UMAD1: variants seen among roughly 807,000 people sequenced by gnomAD.
UMAD1 encodes UBAP1-MVB12-associated (UMA)-domain containing protein 1.
In UMAD1, 8 loss-of-function variants were observed where a neutral mutation model predicts 6.1. The observed-to-expected ratio is 1.30, with a 90% confidence interval of 0.76 to 2.35. UMAD1 has a LOEUF of 2.35. Among genes scored for constraint, UMAD1 ranks in the 30% most tolerant of loss-of-function variants. UMAD1 has a pLI of 0.00. For synonymous variants in UMAD1, 56 were observed against 31.4 expected (o/e 1.78, Z -2.61); for missense variants, 130 against 78.4 (o/e 1.66, Z -2.49).
intron 2 of UMAD1, among the ~76,000 whole-genome samples, chr7:7,790,378 A>G (rs1782545874): frequency 6.6e-6 from 1 of 152,210 alleles, no homozygotes; most frequent in African/African-American, 2.4e-5. Flanking sequence ...GGGCACATCC[A>G]TCCCATGCCA....
At chr7:7,789,923 A>G (rs1235402182) in intron 2 of UMAD1, among the ~76,000 whole-genome samples, 3 of 152,164 alleles carry the variant, frequency 2.0e-5, no homozygotes, top group Admixed American at 2.0e-4. Context: ...GTGTATGTTC[A>G]GATATTTCTT....
intron 3 of UMAD1, among the ~76,000 whole-genome samples, chr7:7,853,904 CA>C (rs1373579624): frequency 2.6e-5 from 4 of 152,140 alleles, no homozygotes; most frequent in Non-Finnish European, 5.9e-5. Context: ...AGGGGAAAAG[CA>C]TCTAGTCTTT....
intron 1 of UMAD1, among the ~76,000 whole-genome samples, chr7:7,646,670 G>C (rs752496407): frequency 1.3e-5 from 2 of 151,906 alleles, no homozygotes; most frequent in Non-Finnish European, 2.9e-5. Flanking sequence ...AACTAATACA[G>C]ATGGGGAGCT....
At chr7:7,693,049 A>T (rs1460009089) in intron 2 of UMAD1, among the ~76,000 whole-genome samples, 1 of 152,034 alleles carries the variant, frequency 6.6e-6, no homozygotes, top group African/African-American at 2.4e-5. Flanking sequence ...CTTCCTGTTG[A>T]TTACTTATAT....
chr7:7,836,661 A>G (rs1783576597), intron 3 of UMAD1, among the ~76,000 whole-genome samples: 1 of 152,018 alleles, frequency 6.6e-6, no homozygotes, highest in Admixed American at 6.5e-5. Context: ...GATCATGAGA[A>G]TTAAAAATTA....
chr7:7,792,041 T>C (rs796223435), intron 2 of UMAD1, among the ~76,000 whole-genome samples: 17 of 152,380 alleles, frequency 1.1e-4, no homozygotes, highest in African/African-American at 4.1e-4. Context: ...TTTTCTTTCT[T>C]ACTGTCCTTC....
intron 2 of UMAD1, among the ~76,000 whole-genome samples, chr7:7,697,167 T>C (rs917255484): frequency 6.6e-6 from 1 of 152,184 alleles, no homozygotes; most frequent in Non-Finnish European, 1.5e-5. Flanking sequence ...TTGATGATCA[T>C]AATCCACTTC....
intron 3 of UMAD1, chr7:7,868,456 G>C (rs148298435): frequency 6.6e-6 from 1 of 152,170 alleles, no homozygotes; most frequent in Non-Finnish European, 1.5e-5. Context: ...CGTTCAGCTG[G>C]AGTTCTGAAA....
intron 2 of UMAD1, among the ~76,000 whole-genome samples, chr7:7,700,993 T>A (rs1237471917): frequency 6.6e-6 from 1 of 152,112 alleles, no homozygotes; most frequent in African/African-American, 2.4e-5. Context: ...GAGGCTACAG[T>A]GAGCTATGAT....
intron 2 of UMAD1, among the ~76,000 whole-genome samples, chr7:7,762,943 G>A (rs1490142544): frequency 6.6e-6 from 1 of 151,758 alleles, no homozygotes; most frequent in African/African-American, 2.4e-5. Flanking sequence ...CTTTTAAGCC[G>A]GCACTCTTAA....
At chr7:7,862,699 GT>G (rs1784136887) in intron 3 of UMAD1, among the ~76,000 whole-genome samples, 1 of 152,158 alleles carries the variant, frequency 6.6e-6, no homozygotes, top group African/African-American at 2.4e-5. Context: ...AAGATGCTTA[GT>G]TTAACTGTTA....
intron 2 of UMAD1, among the ~76,000 whole-genome samples, chr7:7,782,245 G>A (rs1782359471): frequency 8.5e-6 from 1 of 117,852 alleles, no homozygotes; most frequent in African/African-American, 3.0e-5. Flanking sequence ...GGATAAATAA[G>A]GGAAAAAATA....
At position 7,752,935 on chromosome 7, in the gene UMAD1, A is replaced by G. The variant is rs1419279792; in HGVS notation, c.83-48735A>G. ...AAGTTGCATAAGATTCAGTTACCCTACAACCTGGATCCACCCTGGTCTGTA... is the reference window on the plus strand; with the variant it reads ...AAGTTGCATAAGATTCAGTTACCCTGCAACCTGGATCCACCCTGGTCTGTA... On this transcript the variant is annotated intron_variant, in intron 2 of 3. Coordinates refer to ENST00000682710, the MANE Select transcript of UMAD1 (RefSeq NM_001302348.2). 3.9e-5 allele frequency among the ~76,000 whole-genome samples: 6 copies of G among 152,258 alleles called. No homozygotes were observed. The East Asian group carries it at 1.2e-3, about 29-fold the overall frequency.
At chr7:7,685,337 G>GTT in intron 2 of UMAD1, among the ~76,000 whole-genome samples, 1 of 146,044 alleles carries the variant, frequency 6.8e-6, no homozygotes. Context: ...TTGAGACGGA[G>GTT]TCTTGCTCTG....
intron 1 of UMAD1, among the ~76,000 whole-genome samples, chr7:7,644,023 G>T (rs1191912085): frequency 1.3e-5 from 2 of 152,084 alleles, no homozygotes; most frequent in Non-Finnish European, 2.9e-5. Context: ...GTAAAAAAAT[G>T]ATTTCCCCAA....
chr7:7,706,672 T>C (rs1217764593), intron 2 of UMAD1, among the ~76,000 whole-genome samples: 1 of 152,176 alleles, frequency 6.6e-6, no homozygotes, highest in Admixed American at 6.6e-5. Flanking sequence ...AACTTAGTAC[T>C]ATTATTTCTA....
intron 2 of UMAD1, among the ~76,000 whole-genome samples, chr7:7,749,602 T>G (rs1444740797): frequency 2.6e-5 from 4 of 152,150 alleles, no homozygotes; most frequent in Non-Finnish European, 4.4e-5. Flanking sequence ...TTATGTGAAT[T>G]CCCCTCTTGG....
At chr7:7,801,792 A>G (rs17137990) in intron 3 of UMAD1, 49 bp downstream of exon 3, 22,263 of 713,360 alleles carry the variant, frequency 0.031, 620 homozygotes, top group East Asian at 0.12. Context: ...ACAAGTCACT[A>G]TGATTACTTA....
intron 2 of UMAD1, among the ~76,000 whole-genome samples, chr7:7,709,246 G>T (rs1780687722): frequency 6.6e-6 from 1 of 152,060 alleles, no homozygotes; most frequent in Non-Finnish European, 1.5e-5. Context: ...GTTATGCATG[G>T]GGTTACTTTT....
Sources: gnomAD v4.1 joint callset for allele counts (sites outside exome capture counted in the v4.1 genomes callset) on GRCh38, gnomAD v4.1.1 for gene constraint, MANE v1.5 for transcripts, NCBI Gene and HGNC (gene_info 2026-07-23, HGNC 2026-07-21) for gene names.